The following ZBTB20 variants were observed in gnomAD, a reference collection of about 807,000 sequenced individuals.
ZBTB20 encodes zinc finger and BTB domain containing 20, also known as zinc finger and BTB domain-containing protein 20.
In ZBTB20, 9 loss-of-function variants were observed where a neutral mutation model predicts 56.9. The ratio of observed to expected loss-of-function variants is 0.16; its 90% CI spans 0.10 to 0.28. The LOEUF (loss-of-function observed/expected upper bound fraction) is 0.28. Among genes scored for constraint, ZBTB20 ranks in the 10% least tolerant of loss-of-function variants. ZBTB20 has a pLI of 1.00. For synonymous variants in ZBTB20, 417 were observed against 420.7 expected (o/e 0.99, Z 0.11); for missense variants, 655 against 1,003.0 (o/e 0.65, Z 4.69).
At chr3:114,938,148 A>C (rs2076610374) in intron 3 of ZBTB20, among the ~76,000 whole-genome samples, 1 of 130,234 alleles carries the variant, frequency 7.7e-6, no homozygotes, top group African/African-American at 4.5e-5. Context: ...AAAATATTTA[A>C]GTTCCTTATA....
intron 7 of ZBTB20, among the ~76,000 whole-genome samples, chr3:114,482,130 T>C (rs1393434401): frequency 6.6e-6 from 1 of 152,146 alleles, no homozygotes. Context: ...AGGGTCACCA[T>C]GCCCCAGCAT....
chr3:114,729,133 C>T (rs527490967), intron 5 of ZBTB20, among the ~76,000 whole-genome samples: 4 of 152,230 alleles, frequency 2.6e-5, no homozygotes, highest in South Asian at 2.1e-4. Flanking sequence ...AGAGACAACA[C>T]GGTCCCATTT....
At chr3:114,907,286 A>G (rs530217020) in intron 3 of ZBTB20, among the ~76,000 whole-genome samples, 1 of 152,002 alleles carries the variant, frequency 6.6e-6, no homozygotes, top group South Asian at 2.1e-4. Context: ...AAAAACTGGT[A>G]CCAAAAATAC....
chr3:114,521,224 A>G (rs1374383013), intron 6 of ZBTB20, among the ~76,000 whole-genome samples: 1 of 152,164 alleles, frequency 6.6e-6, no homozygotes, highest in African/African-American at 2.4e-5. Context: ...AACTATTTCA[A>G]CTGTCAGTCA....
intron 2 of ZBTB20, 55 bp from the exon 3 acceptor site, chr3:114,974,471 T>A (rs565471778): frequency 6.8e-4 from 103 of 152,278 alleles, no homozygotes; most frequent in Middle Eastern, 3.4e-3. Flanking sequence ...ACATTTGCAT[T>A]TCTATAATAT....
intron 4 of ZBTB20, among the ~76,000 whole-genome samples, chr3:114,849,125 T>C (rs936692071): frequency 2.0e-5 from 3 of 152,246 alleles, no homozygotes; most frequent in African/African-American, 4.8e-5. Flanking sequence ...AGAGAGTCCC[T>C]GGTTCCCTAG....
intron 5 of ZBTB20, among the ~76,000 whole-genome samples, chr3:114,731,374 A>G (rs922132462): frequency 6.6e-6 from 1 of 152,206 alleles, no homozygotes; most frequent in Non-Finnish European, 1.5e-5. Context: ...TCTTGCATTT[A>G]TCCATTTAGA....
intron 4 of ZBTB20, 129 bp downstream of exon 4, chr3:114,900,172 CATT>C (rs1171386275): frequency 6.6e-6 from 1 of 151,770 alleles, no homozygotes; most frequent in Non-Finnish European, 1.5e-5. Flanking sequence ...TTGAAGCTGT[CATT>C]ATCTGTAAGT....
intron 6 of ZBTB20, among the ~76,000 whole-genome samples, chr3:114,539,708 T>C (rs1018744596): frequency 6.6e-6 from 1 of 152,068 alleles, no homozygotes; most frequent in African/African-American, 2.4e-5. Context: ...CATATTCTGT[T>C]TTTATCTCTT....
chr3:114,414,945 G>GC (rs970277649), intron 7 of ZBTB20, among the ~76,000 whole-genome samples: 38 of 150,184 alleles, frequency 2.5e-4, no homozygotes, highest in Admixed American at 6.0e-4. Flanking sequence ...TTTCTCTGCC[G>GC]CCCCCCCGCA....
At chr3:115,114,426 G>A (rs1405548848) in intron 1 of ZBTB20, among the ~76,000 whole-genome samples, 1 of 151,970 alleles carries the variant, frequency 6.6e-6, no homozygotes, top group African/African-American at 2.4e-5. Flanking sequence ...CAATATTAAT[G>A]GCCAATTATG....
At chr3:114,519,957 G>A (rs2046445905) in intron 6 of ZBTB20, 1 of 151,964 alleles carries the variant, frequency 6.6e-6, no homozygotes, top group Non-Finnish European at 1.5e-5. Flanking sequence ...TAAACCTACT[G>A]AGGTTATAGG....
chr3:114,567,173 C>T (rs1282366845), intron 6 of ZBTB20, among the ~76,000 whole-genome samples: 1 of 152,036 alleles, frequency 6.6e-6, no homozygotes, highest in Non-Finnish European at 1.5e-5. Context: ...TGTGACTTTT[C>T]TCTCTATTTG....
At chr3:115,029,005 T>TA (rs1438652118) in intron 2 of ZBTB20, among the ~76,000 whole-genome samples, 4 of 150,236 alleles carry the variant, frequency 2.7e-5, no homozygotes, top group South Asian at 2.1e-4. Context: ...AGGAGTAGAA[T>TA]AAAAAAATTA....
chr3:114,499,757 C>G (rs2043730693), intron 7 of ZBTB20, among the ~76,000 whole-genome samples: 2 of 151,688 alleles, frequency 1.3e-5, no homozygotes, highest in Non-Finnish European at 2.9e-5. Context: ...GAATACCTTT[C>G]CATCTTTTCT....
intron 4 of ZBTB20, among the ~76,000 whole-genome samples, chr3:114,888,192 A>C (rs1576233586): frequency 6.6e-6 from 1 of 152,000 alleles, no homozygotes; most frequent in African/African-American, 2.4e-5. Context: ...CTGAGGCAGG[A>C]GGACTGCTGG....
At chr3:114,698,566 C>G (rs1183551624) in intron 5 of ZBTB20, among the ~76,000 whole-genome samples, 2 of 152,038 alleles carry the variant, frequency 1.3e-5, no homozygotes, top group Non-Finnish European at 2.9e-5. Flanking sequence ...TGAGTGCCCT[C>G]CTATGGCTGA....
At chr3:114,739,514 A>C (rs1286528372) in intron 5 of ZBTB20, among the ~76,000 whole-genome samples, 1 of 152,186 alleles carries the variant, frequency 6.6e-6, no homozygotes, top group Non-Finnish European at 1.5e-5. Context: ...CAACCTGTGC[A>C]AAACTTTGAG....
At chr3:114,796,071 T>C (rs1440952901) in intron 5 of ZBTB20, among the ~76,000 whole-genome samples, 1 of 152,008 alleles carries the variant, frequency 6.6e-6, no homozygotes, top group Non-Finnish European at 1.5e-5. Flanking sequence ...TTATAAATAA[T>C]ACCCAATATT....
Sources: allele counts gnomAD v4.1 joint callset (sites outside exome capture counted in the v4.1 genomes callset), GRCh38; gene constraint gnomAD v4.1.1; transcripts MANE v1.5; gene names NCBI Gene and HGNC (gene_info 2026-07-23, HGNC 2026-07-21).